COL5A2: variants seen among roughly 807,000 people sequenced by gnomAD.
COL5A2 encodes collagen type V alpha 2 chain.
Under a neutral mutation model 208.2 loss-of-function variants are expected in COL5A2, and 23 were observed. That is an observed-to-expected ratio of 0.11 (90% CI 0.08 to 0.16). COL5A2 has a LOEUF of 0.16. Ranked by LOEUF, COL5A2 falls within the 10% of genes least tolerant of loss-of-function variation. The probability of loss-of-function intolerance (pLI) is 1.00; values close to 1 mark genes in which losing one functional copy is unlikely to be tolerated. For synonymous variants in COL5A2, 625 were observed against 628.5 expected, an observed-to-expected ratio of 0.99 and a Z score of 0.08; for missense variants, 1,590 against 1,956.4, an observed-to-expected ratio of 0.81 and a Z score of 3.53.
At position 189,058,661 on chromosome 2, in the gene COL5A2, T is replaced by C. The variant is rs565779260; in HGVS notation, c.2131-134A>G. The C allele has an allele frequency of 2.3e-5, 22 of 976,602 alleles. No homozygotes were observed. In the African/African-American group the frequency reaches 3.3e-4, roughly 14 times the overall value. The allele number at this position is 976,602 out of a possible 1,614,324, so 60.5% of individuals were successfully genotyped here. A position where few individuals can be genotyped will look rare whatever the true frequency, so the allele number is the denominator to read the frequency against. ...ACTAAATCTCAATTTTCTAATTTAG[T>C]GATAAGAAATAAATTTGAAGTAAGG... On this transcript the variant is annotated intron_variant, in intron 32 of 53. Transcript: ENST00000374866.
chr2:189,381,856 T>C, the COL5A2 span, among the ~76,000 whole-genome samples: 4 of 152,092 alleles, frequency 2.6e-5, no homozygotes, highest in Admixed American at 1.3e-4. Flanking sequence ...AGATTATAGA[T>C]AGAAAATAGT....
At chr2:189,105,792 C>T (rs1232868797) in intron 2 of COL5A2, among the ~76,000 whole-genome samples, 3 of 151,426 alleles carry the variant, frequency 2.0e-5, no homozygotes, top group Admixed American at 1.3e-4. Flanking sequence ...TAATTTTTCT[C>T]ATTTAAATCA....
the COL5A2 span, among the ~76,000 whole-genome samples, chr2:189,420,641 T>A: frequency 6.6e-6 from 1 of 151,906 alleles, no homozygotes; most frequent in Non-Finnish European, 1.5e-5. Context: ...AAAATATAAA[T>A]TTAAAAGAAT....
At chr2:189,074,455 T>C (rs991595204) in intron 17 of COL5A2, among the ~76,000 whole-genome samples, 3 of 152,124 alleles carry the variant, frequency 2.0e-5, no homozygotes, top group African/African-American at 7.2e-5. Context: ...GTACAAAATA[T>C]TGGTACACAC....
chr2:189,364,904 T>C, the COL5A2 span, among the ~76,000 whole-genome samples: 3 of 152,212 alleles, frequency 2.0e-5, no homozygotes, highest in African/African-American at 7.2e-5. Context: ...TGTATCAATA[T>C]TGATTCATTA....
At chr2:189,426,514 G>T in the COL5A2 span, among the ~76,000 whole-genome samples, 1 of 152,136 alleles carries the variant, frequency 6.6e-6, no homozygotes, top group Non-Finnish European at 1.5e-5. Context: ...TCTTACATAT[G>T]TTGATTGATG....
chr2:189,348,057 A>G, the COL5A2 span, among the ~76,000 whole-genome samples: 1 of 151,956 alleles, frequency 6.6e-6, no homozygotes, highest in Non-Finnish European at 1.5e-5. Flanking sequence ...AAAAAAAAAT[A>G]AAAGTCCAAC....
the COL5A2 span, among the ~76,000 whole-genome samples, chr2:189,272,184 T>A: frequency 3.9e-5 from 6 of 152,284 alleles, no homozygotes; most frequent in African/African-American, 1.4e-4. Flanking sequence ...GGATTATAAA[T>A]CATTCTACGA....
intron 1 of COL5A2, among the ~76,000 whole-genome samples, chr2:189,204,521 A>G (rs1179122976): frequency 1.3e-5 from 2 of 152,208 alleles, no homozygotes; most frequent in Non-Finnish European, 2.9e-5. Flanking sequence ...TGTATGACTC[A>G]TATTTCAGTA....
chr2:189,233,928 T>C, the COL5A2 span, among the ~76,000 whole-genome samples: 1 of 151,782 alleles, frequency 6.6e-6, no homozygotes, highest in African/African-American at 2.4e-5. Context: ...CCATTGTAAG[T>C]CAAGGAGCAT....
intron 1 of COL5A2, among the ~76,000 whole-genome samples, chr2:189,143,347 A>G (rs557057384): frequency 3.5e-4 from 54 of 152,142 alleles, no homozygotes; most frequent in African/African-American, 1.3e-3. Flanking sequence ...ACTGTTTTCT[A>G]TTTCAGACAG....
At chr2:189,267,250 T>C in the COL5A2 span, among the ~76,000 whole-genome samples, 1 of 151,948 alleles carries the variant, frequency 6.6e-6, no homozygotes, top group Non-Finnish European at 1.5e-5. Context: ...AGGAGTCAGA[T>C]GAAGTATACA....
At chr2:189,344,005 A>G in the COL5A2 span, among the ~76,000 whole-genome samples, 3 of 152,224 alleles carry the variant, frequency 2.0e-5, no homozygotes, top group African/African-American at 7.2e-5. Flanking sequence ...TGTGAACTTG[A>G]AAATTGCTTG....
At chr2:189,088,028 T>C (rs920483000) in intron 8 of COL5A2, among the ~76,000 whole-genome samples, 1 of 152,194 alleles carries the variant, frequency 6.6e-6, no homozygotes, top group African/African-American at 2.4e-5. Flanking sequence ...ATCTATGAGG[T>C]CTGATTTTGC....
At chr2:189,301,964 C>G in the COL5A2 span, among the ~76,000 whole-genome samples, 3 of 151,950 alleles carry the variant, frequency 2.0e-5, no homozygotes, top group South Asian at 6.2e-4. Context: ...AGTGATTTAG[C>G]CAGAATTAAA....
At chr2:189,276,518 C>T in the COL5A2 span, among the ~76,000 whole-genome samples, 1 of 152,112 alleles carries the variant, frequency 6.6e-6, no homozygotes, top group African/African-American at 2.4e-5. Flanking sequence ...CTGCTAAATA[C>T]GTGCTGGAGT....
At chr2:189,113,039 A>G (rs1306078732) in intron 1 of COL5A2, among the ~76,000 whole-genome samples, 1 of 152,204 alleles carries the variant, frequency 6.6e-6, no homozygotes, top group African/African-American at 2.4e-5. Flanking sequence ...AAAATGAGAT[A>G]CTACTTCAAT....
the COL5A2 span, among the ~76,000 whole-genome samples, chr2:189,424,717 T>G: frequency 1.3e-5 from 2 of 152,178 alleles, no homozygotes; most frequent in Admixed American, 6.6e-5. Context: ...CTGAAATAAC[T>G]AATATTGTTA....
intron 1 of COL5A2, among the ~76,000 whole-genome samples, chr2:189,209,678 T>A (rs1277296679): frequency 6.6e-6 from 1 of 152,198 alleles, no homozygotes; most frequent in Non-Finnish European, 1.5e-5. Flanking sequence ...GGATGCTAAT[T>A]CAACAGAAAG....
Sources: gnomAD v4.1 joint callset for allele counts (sites outside exome capture counted in the v4.1 genomes callset) on GRCh38, gnomAD v4.1.1 for gene constraint, MANE v1.5 for transcripts, NCBI Gene and HGNC (gene_info 2026-07-23, HGNC 2026-07-21) for gene names.